The following PLCH1 variants were observed in gnomAD, a reference collection of about 807,000 sequenced individuals.
PLCH1 encodes 1-phosphatidylinositol 4,5-bisphosphate phosphodiesterase eta-1.
In PLCH1, 60 loss-of-function variants were observed where a neutral mutation model predicts 126.7. The observed-to-expected ratio is 0.47, with a 90% CI of 0.38 to 0.59. The LOEUF (loss-of-function observed/expected upper bound fraction) is 0.59. Among genes scored for constraint, PLCH1 ranks in the 20% least tolerant of loss-of-function variants. PLCH1 has a pLI of 0.00. For missense variants in PLCH1, 1,723 were observed against 2,040.0 expected, an observed-to-expected ratio of 0.84 and a Z score of 2.99; for synonymous variants, 719 against 734.9, an observed-to-expected ratio of 0.98 and a Z score of 0.35.
intron 2 of PLCH1, among the ~76,000 whole-genome samples, chr3:155,665,647 C>T (rs1742642630): frequency 6.6e-6 from 1 of 152,268 alleles, no homozygotes; most frequent in East Asian, 1.9e-4. Context: ...GGCAGGGAGA[C>T]CACCCCTAGA....
At chr3:155,655,164 G>A (rs780487225) in intron 2 of PLCH1, among the ~76,000 whole-genome samples, 4 of 152,146 alleles carry the variant, frequency 2.6e-5, no homozygotes, top group South Asian at 2.1e-4. Context: ...AGCTAGGTGT[G>A]GTGGCTCATG....
chr3:155,511,869 G>C (rs1719581086), intron 12 of PLCH1, among the ~76,000 whole-genome samples: 1 of 152,070 alleles, frequency 6.6e-6, no homozygotes, highest in African/African-American at 2.4e-5. Flanking sequence ...TTGAGTTGTG[G>C]TGGGCTCCAC....
intron 8 of PLCH1, among the ~76,000 whole-genome samples, chr3:155,555,109 C>A (rs1726636993): frequency 6.6e-6 from 1 of 152,222 alleles, no homozygotes; most frequent in Non-Finnish European, 1.5e-5. Context: ...GCACAGCATC[C>A]AACACAGAGA....
chr3:155,639,395 A>G (rs1405915576), intron 2 of PLCH1, among the ~76,000 whole-genome samples: 1 of 152,196 alleles, frequency 6.6e-6, no homozygotes, highest in Admixed American at 6.5e-5. Context: ...CAGGAGGTTA[A>G]GGCTGCAGTG....
intron 6 of PLCH1, among the ~76,000 whole-genome samples, chr3:155,577,137 G>A (rs1176637028): frequency 6.6e-6 from 1 of 152,086 alleles, no homozygotes; most frequent in Non-Finnish European, 1.5e-5. Flanking sequence ...ATACACACCT[G>A]TAGTCCCAAC....
intron 11 of PLCH1, among the ~76,000 whole-genome samples, chr3:155,521,008 T>C (rs1721018317): frequency 6.6e-6 from 1 of 152,208 alleles, no homozygotes; most frequent in Non-Finnish European, 1.5e-5. Context: ...TTCTGGCCTT[T>C]GCGCTTGGGG....
intron 1 of PLCH1, among the ~76,000 whole-genome samples, chr3:155,718,758 C>T (rs1308880942): frequency 6.6e-6 from 1 of 152,082 alleles, no homozygotes; most frequent in Non-Finnish European, 1.5e-5. Flanking sequence ...TCCCACCAGA[C>T]CTTAACTCTA....
intron 1 of PLCH1, among the ~76,000 whole-genome samples, chr3:155,741,692 T>TTTTTTTATTTTTATTTTTTTA (rs1559977213): frequency 4.1e-5 from 6 of 145,422 alleles, no homozygotes; most frequent in East Asian, 3.9e-4. Flanking sequence ...CTCTTTTTTT[T>TTTTTTTATTTTTATTTTTTTA]TTTTTTTTTT....
chr3:155,486,144 T>C (rs1164274736), intron 21 of PLCH1: 12 of 1,530,836 alleles, frequency 7.8e-6, no homozygotes, highest in Non-Finnish European at 9.7e-6. Context: ...GCTGAGAAAC[T>C]ACCTTTGTAG....
chr3:155,515,455 G>C (rs1478082726), intron 11 of PLCH1, among the ~76,000 whole-genome samples: 1 of 152,252 alleles, frequency 6.6e-6, no homozygotes, highest in African/African-American at 2.4e-5. Flanking sequence ...ATTATTGTGA[G>C]ATATATTTCC....
intron 8 of PLCH1, among the ~76,000 whole-genome samples, chr3:155,563,805 A>T (rs1299216379): frequency 6.6e-6 from 1 of 152,116 alleles, no homozygotes; most frequent in Non-Finnish European, 1.5e-5. Context: ...TTTACAGCTG[A>T]CCCTCAGCTC....
At chr3:155,463,625 G>T (rs1412704237) in intron 21 of PLCH1, among the ~76,000 whole-genome samples, 1 of 152,126 alleles carries the variant, frequency 6.6e-6, no homozygotes, top group East Asian at 1.9e-4. Context: ...TCACAAAATT[G>T]TCATAAGGTC....
intron 6 of PLCH1, among the ~76,000 whole-genome samples, chr3:155,577,089 C>G (rs1347108947): frequency 1.3e-5 from 2 of 152,078 alleles, no homozygotes; most frequent in African/African-American, 2.4e-5. Flanking sequence ...GAGACCCTGT[C>G]TCTAAAACAG....
At chr3:155,538,428 AC>A (rs1192026603) in intron 10 of PLCH1, among the ~76,000 whole-genome samples, 3 of 152,118 alleles carry the variant, frequency 2.0e-5, no homozygotes, top group Non-Finnish European at 4.4e-5. Flanking sequence ...TGAAACAACA[AC>A]AAAAAATACA....
intron 9 of PLCH1, among the ~76,000 whole-genome samples, chr3:155,552,539 T>G (rs168601): frequency 0.87 from 132,008 of 152,150 alleles, 57,946 homozygotes; most frequent in African/African-American, 0.97. Context: ...ACGGGGAAGG[T>G]TGTTCCAGGC....
At chr3:155,554,512 G>A (rs1194477866) in intron 8 of PLCH1, among the ~76,000 whole-genome samples, 4 of 151,844 alleles carry the variant, frequency 2.6e-5, no homozygotes. Flanking sequence ...CCAAGGATAG[G>A]GAGATTTCTT....
chr3:155,569,578 A>C (rs902437994), intron 6 of PLCH1, among the ~76,000 whole-genome samples: 6 of 152,158 alleles, frequency 3.9e-5, no homozygotes, highest in African/African-American at 1.2e-4. Flanking sequence ...ATGAAACTGC[A>C]ATACCTCCAA....
At chr3:155,569,265 T>C (rs531983079) in intron 6 of PLCH1, among the ~76,000 whole-genome samples, 1 of 152,336 alleles carries the variant, frequency 6.6e-6, no homozygotes, top group Admixed American at 6.5e-5. Flanking sequence ...AATGAATAAT[T>C]ATAGAGGAAG....
chr3:155,690,382 G>A (rs1471719567), intron 2 of PLCH1, among the ~76,000 whole-genome samples: 2 of 152,226 alleles, frequency 1.3e-5, no homozygotes, highest in Non-Finnish European at 2.9e-5. Context: ...TATCTACATA[G>A]AGTATCTAGC....
Sources: allele counts gnomAD v4.1 joint callset (sites outside exome capture counted in the v4.1 genomes callset), GRCh38; gene constraint gnomAD v4.1.1; transcripts MANE v1.5; gene names NCBI Gene and HGNC (gene_info 2026-07-23, HGNC 2026-07-21).